COL25A1: variants seen among roughly 807,000 people sequenced by gnomAD.
COL25A1 encodes the protein collagen alpha-1(XXV) chain.
COL25A1 carries 103 observed loss-of-function variants against 128.4 expected under a neutral mutation model. That is an observed-to-expected ratio of 0.80 (90% CI 0.68 to 0.94). COL25A1 has a LOEUF of 0.94. COL25A1 is among the 40% of genes least tolerant of loss of function. COL25A1 has a pLI of 0.00. For synonymous variants in COL25A1, 279 were observed against 277.2 expected (o/e 1.01, Z -0.06); for missense variants, 745 against 840.0 (o/e 0.89, Z 1.40).
intron 11 of COL25A1, among the ~76,000 whole-genome samples, chr4:108,930,191 GAC>G (rs1301923040): frequency 6.6e-6 from 1 of 152,094 alleles, no homozygotes; most frequent in Non-Finnish European, 1.5e-5. Context: ...GTTCCACTCA[GAC>G]ACATGGATCC....
chr4:109,291,961 T>C (rs1724512354), intron 3 of COL25A1, among the ~76,000 whole-genome samples: 2 of 152,128 alleles, frequency 1.3e-5, no homozygotes, highest in African/African-American at 4.8e-5. Flanking sequence ...TTTTAGACTT[T>C]AATTTGAATA....
intron 3 of COL25A1, among the ~76,000 whole-genome samples, chr4:109,143,968 A>ATCT (rs1449020073): frequency 3.3e-4 from 50 of 152,222 alleles, no homozygotes; most frequent in African/African-American, 1.2e-3. Context: ...TTTAAAGAAG[A>ATCT]GGCATTCTGG....
At chr4:109,016,985 A>G (rs1757277844) in intron 5 of COL25A1, among the ~76,000 whole-genome samples, 1 of 152,196 alleles carries the variant, frequency 6.6e-6, no homozygotes, top group African/African-American at 2.4e-5. Context: ...GAGCACCAGA[A>G]AAAAAGAAGA....
intron 3 of COL25A1, among the ~76,000 whole-genome samples, chr4:109,192,604 C>A (rs1039015019): frequency 9.9e-5 from 15 of 152,170 alleles, no homozygotes; most frequent in Admixed American, 6.5e-5. Flanking sequence ...CCTATAATCC[C>A]AGCACTTTGG....
At chr4:109,079,370 G>T (rs1386981483) in intron 3 of COL25A1, among the ~76,000 whole-genome samples, 1 of 152,128 alleles carries the variant, frequency 6.6e-6, no homozygotes, top group Admixed American at 6.5e-5. Context: ...AGTATTAACT[G>T]AAAATTTTTT....
chr4:109,011,038 T>C (rs1756532319), intron 5 of COL25A1, among the ~76,000 whole-genome samples: 1 of 152,246 alleles, frequency 6.6e-6, no homozygotes, highest in Non-Finnish European at 1.5e-5. Context: ...AATGTCATTT[T>C]CTTATTTAAG....
At chr4:109,070,142 C>T (rs954931203) in intron 3 of COL25A1, among the ~76,000 whole-genome samples, 2 of 151,382 alleles carry the variant, frequency 1.3e-5, no homozygotes, top group African/African-American at 2.4e-5. Context: ...CCTCTAGTCC[C>T]GGCTACTCGG....
chr4:109,061,084 G>A (rs1452376746), intron 3 of COL25A1, among the ~76,000 whole-genome samples: 1 of 152,120 alleles, frequency 6.6e-6, no homozygotes, highest in African/African-American at 2.4e-5. Flanking sequence ...AACACACAAG[G>A]TTTTCTCCTA....
intron 8 of COL25A1, among the ~76,000 whole-genome samples, chr4:108,967,478 T>C (rs7691421): frequency 0.31 from 46,453 of 152,060 alleles, 7,686 homozygotes; most frequent in South Asian, 0.46. Context: ...ATATGAAATA[T>C]GGGAAGAAAA....
At chr4:109,181,794 C>T (rs1311034369) in intron 3 of COL25A1, among the ~76,000 whole-genome samples, 1 of 151,780 alleles carries the variant, frequency 6.6e-6, no homozygotes, top group Non-Finnish European at 1.5e-5. Context: ...ATAATATATC[C>T]CTTGAACTTT....
Position 108,875,428 on chromosome 4 carries a change from A to C in COL25A1, c.1021-6278T>G, listed in dbSNP as rs531726873. Among the ~76,000 whole-genome samples, 4 of 152,356 alleles carry C rather than the reference A, an allele frequency of 2.6e-5. No homozygotes were observed. In the South Asian group the frequency reaches 8.3e-4, roughly 32 times the overall value. ...ACATGAACAGACACTTCTCAAAAGAAGACATTTATGCAGCCAACAGACACA... is the reference window on the plus strand; with the variant it reads ...ACATGAACAGACACTTCTCAAAAGACGACATTTATGCAGCCAACAGACACA... On this transcript the variant is annotated intron_variant, in intron 19 of 37. Coordinates refer to ENST00000399132, the MANE Select transcript of COL25A1 (RefSeq NM_198721.4).
chr4:109,173,187 G>A (rs921678073), intron 3 of COL25A1, among the ~76,000 whole-genome samples: 5 of 151,960 alleles, frequency 3.3e-5, no homozygotes, highest in African/African-American at 4.8e-5. Context: ...CTGGGCTCAC[G>A]TGATCCTCCC....
At chr4:108,977,072 G>T (rs1752508095) in intron 6 of COL25A1, among the ~76,000 whole-genome samples, 1 of 152,134 alleles carries the variant, frequency 6.6e-6, no homozygotes, top group Non-Finnish European at 1.5e-5. Context: ...ACAAAGTATT[G>T]GAACACAGCT....
chr4:109,107,656 A>G (rs1766572564), intron 3 of COL25A1, among the ~76,000 whole-genome samples: 1 of 152,236 alleles, frequency 6.6e-6, no homozygotes, highest in African/African-American at 2.4e-5. Flanking sequence ...CATAAAATAG[A>G]CGGAGAAATT....
chr4:108,829,881 G>C (rs2125725020), intron 32 of COL25A1, among the ~76,000 whole-genome samples: 1 of 152,300 alleles, frequency 6.6e-6, no homozygotes, highest in Admixed American at 6.5e-5. Context: ...CTCTGCTCAG[G>C]AAGAGACATG....
chr4:109,268,737 T>G (rs1037030827), intron 3 of COL25A1, among the ~76,000 whole-genome samples: 38 of 152,274 alleles, frequency 2.5e-4, no homozygotes, highest in African/African-American at 8.9e-4. Context: ...TCGAGATGCC[T>G]TGAGGCACAG....
chr4:109,234,296 C>A, intron 3 of COL25A1, among the ~76,000 whole-genome samples: 1 of 152,076 alleles, frequency 6.6e-6, no homozygotes, highest in South Asian at 2.1e-4. Context: ...AAGACTGTGC[C>A]TTCCCCTTTT....
chr4:109,284,842 A>G (rs1723720130), intron 3 of COL25A1, among the ~76,000 whole-genome samples: 2 of 151,590 alleles, frequency 1.3e-5, no homozygotes, highest in East Asian at 1.9e-4. Flanking sequence ...CACCCAGGAA[A>G]AAAAAAAAAA....
intron 16 of COL25A1, among the ~76,000 whole-genome samples, chr4:108,894,509 T>C (rs1741909684): frequency 1.3e-5 from 2 of 152,164 alleles, no homozygotes; most frequent in African/African-American, 2.4e-5. Flanking sequence ...TAATAATTCA[T>C]GACACATGAA....
Sources: allele counts gnomAD v4.1 joint callset (sites outside exome capture counted in the v4.1 genomes callset), GRCh38; gene constraint gnomAD v4.1.1; transcripts MANE v1.5; gene names NCBI Gene and HGNC (gene_info 2026-07-23, HGNC 2026-07-21).